The following LYST variants were observed in gnomAD, a reference collection of about 807,000 sequenced individuals.
LYST encodes lysosomal-trafficking regulator.
A neutral mutation model predicts 413.6 loss-of-function variants in LYST; 192 were observed. The observed-to-expected ratio is 0.46, with a 90% CI of 0.41 to 0.52. The LOEUF (loss-of-function observed/expected upper bound fraction) is 0.52, where lower values mean the gene tolerates loss of function less well. Among genes scored for constraint, LYST ranks in the 20% least tolerant of loss-of-function variants. LYST has a pLI of 0.00. For synonymous variants in LYST, 1,525 were observed against 1,567.3 expected (o/e 0.97, Z 0.64); for missense variants, 3,815 against 4,499.9 (o/e 0.85, Z 4.35).
chr1:235,826,598 A>G (rs933147367), intron 3 of LYST, among the ~76,000 whole-genome samples: 1 of 152,242 alleles, frequency 6.6e-6, no homozygotes, highest in African/African-American at 2.4e-5. Context: ...TGACTGAAAA[A>G]AAAGGCATGA....
intron 10 of LYST, among the ~76,000 whole-genome samples, chr1:235,799,596 T>TA (rs1400979733): frequency 1.3e-5 from 2 of 152,152 alleles, no homozygotes; most frequent in African/African-American, 2.4e-5. Context: ...TCGTGTAGGC[T>TA]AGCCTTAATT....
chr1:235,837,604 G>C (rs1436572267), intron 1 of LYST, among the ~76,000 whole-genome samples: 3 of 147,892 alleles, frequency 2.0e-5, no homozygotes, highest in African/African-American at 7.7e-5. Flanking sequence ...ACCAGCCTGG[G>C]TAAGAGTGAG....
At chr1:235,733,978 C>T (rs1354877079) in intron 32 of LYST, 72 bp from the exon 33 acceptor site, 4 of 759,536 alleles carry the variant, frequency 5.3e-6, no homozygotes, top group East Asian at 2.9e-5. Flanking sequence ...CAGAGCCCAA[C>T]AAACTAATTT....
intron 1 of LYST, among the ~76,000 whole-genome samples, chr1:235,878,875 C>T (rs1488481379): frequency 1.3e-5 from 2 of 152,096 alleles, no homozygotes; most frequent in Non-Finnish European, 2.9e-5. Flanking sequence ...GTTCTTTGCA[C>T]ATTAGTATTT....
At chr1:235,690,053 A>G (rs1660528218) in intron 47 of LYST, among the ~76,000 whole-genome samples, 1 of 152,252 alleles carries the variant, frequency 6.6e-6, no homozygotes, top group Admixed American at 6.5e-5. Context: ...ATGCCTAGTA[A>G]TTAAAGGTGT....
intron 29 of LYST, 21 bp from the exon 30 acceptor site, chr1:235,744,178 T>C (rs1194718119): frequency 1.5e-6 from 2 of 1,355,474 alleles, no homozygotes; most frequent in Non-Finnish European, 2.1e-6. Flanking sequence ...AAAAAAAGAA[T>C]ACAAAATTAG....
intron 3 of LYST, among the ~76,000 whole-genome samples, chr1:235,817,479 G>A (rs531524453): frequency 2.6e-5 from 4 of 152,080 alleles, no homozygotes; most frequent in Non-Finnish European, 4.4e-5. Flanking sequence ...ACCCATCAAC[G>A]GTAGACTGGA....
chr1:235,830,014 G>C, intron 3 of LYST: 1 of 543,074 alleles, frequency 1.8e-6, no homozygotes, highest in Non-Finnish European at 3.3e-6. Context: ...TTAGTTCTTA[G>C]GCAATTCATA....
At chr1:235,715,432 T>C in intron 41 of LYST, 75 bp from the exon 42 acceptor site, 1 of 1,441,012 alleles carries the variant, frequency 6.9e-7, no homozygotes, top group Non-Finnish European at 9.7e-7. Context: ...TGGATGTTTT[T>C]TTTTCTCTCC....
At chr1:235,804,433 C>G in intron 7 of LYST, 71 bp downstream of exon 7, 1 of 1,182,758 alleles carries the variant, frequency 8.5e-7, no homozygotes, top group South Asian at 1.2e-5. Flanking sequence ...CATCAGCGTC[C>G]TAGTGTCATC....
intron 44 of LYST, among the ~76,000 whole-genome samples, chr1:235,707,836 T>C (rs1017039634): frequency 6.6e-6 from 1 of 152,124 alleles, no homozygotes; most frequent in African/African-American, 2.4e-5. Flanking sequence ...TATACAAACA[T>C]TTGGAACCAG....
intron 3 of LYST, chr1:235,827,317 C>T (rs1324257944): frequency 8.9e-6 from 4 of 448,886 alleles, no homozygotes; most frequent in African/African-American, 4.3e-5. Flanking sequence ...TACAGTGAGC[C>T]ATGATTGTGC....
At position 235,739,057 on chromosome 1, in the gene LYST, T is replaced by C. The variant is rs1476381057; in HGVS notation, c.8358+2365A>G. The C allele has an allele frequency of 1.3e-5, 8 of 615,490 alleles. No homozygotes were observed. The East Asian group carries it at 2.4e-4, about 18-fold the overall frequency. The allele number at this position is 615,490 out of a possible 1,614,324, so 38.1% of individuals were successfully genotyped here. On this transcript the variant is annotated intron_variant, in intron 31 of 52. Coordinates refer to ENST00000389793, the MANE Select transcript of LYST (RefSeq NM_000081.4). ...GGATTTTAGTTGGAGGTTGTGCATA[T>C]TGTCCTTTTTATCTGATCTGTGATT...
chr1:235,818,244 T>C (rs1050442853), intron 3 of LYST, among the ~76,000 whole-genome samples: 2 of 152,064 alleles, frequency 1.3e-5, no homozygotes, highest in Admixed American at 1.3e-4. Flanking sequence ...AGGGTGTAGG[T>C]TGGACAGGTA....
chr1:235,677,711 A>C, intron 48 of LYST, 92 bp from the exon 49 acceptor site: 2 of 941,418 alleles, frequency 2.1e-6, no homozygotes, highest in South Asian at 2.7e-5. Flanking sequence ...AGTGACTCAA[A>C]TGGTCTTCTC....
intron 44 of LYST, among the ~76,000 whole-genome samples, chr1:235,705,614 GGCCTCAAGCGATCATCCT>G (rs1398610763): frequency 1.4e-4 from 21 of 151,930 alleles, no homozygotes; most frequent in Non-Finnish European, 2.8e-4. Flanking sequence ...TCAAACTCCT[GGCCTCAAGCGATCATCCT>G]GCCTCAGTCT....
intron 11 of LYST, among the ~76,000 whole-genome samples, chr1:235,792,547 T>C (rs2103530245): frequency 6.6e-6 from 1 of 152,262 alleles, no homozygotes; most frequent in Non-Finnish European, 1.5e-5. Context: ...ACTCCTGACC[T>C]CAGGTGATCC....
At chr1:235,780,192 G>C (rs1669701948) in intron 16 of LYST, among the ~76,000 whole-genome samples, 2 of 152,010 alleles carry the variant, frequency 1.3e-5, no homozygotes, top group Non-Finnish European at 1.5e-5. Flanking sequence ...GATCGCTTGA[G>C]GCCAGGAGTT....
In LYST at chr1:235,806,790, C is replaced by T. The variant is rs536999402; in HGVS notation, c.2364-18G>A. The T allele has an allele frequency of 6.4e-7, 1 of 1,558,818 alleles. No homozygotes were observed. Among genetic ancestry groups the T allele is most frequent in the Non-Finnish European group, 8.8e-7 (1 of 1,131,594 alleles). ...TTATTACCCTGTGAAAGAAAAAAAG[C>T]ATGTAAAAAGGTTTAAATAAAGAAA... On this transcript the variant is annotated intron_variant, in intron 5 of 52. Coordinates refer to ENST00000389793, the MANE Select transcript of LYST (RefSeq NM_000081.4).
Sources: gnomAD v4.1 joint callset for allele counts (sites outside exome capture counted in the v4.1 genomes callset) on GRCh38, gnomAD v4.1.1 for gene constraint, MANE v1.5 for transcripts, NCBI Gene and HGNC (gene_info 2026-07-23, HGNC 2026-07-21) for gene names.